The following TFEC variants were observed in gnomAD, a reference collection of about 807,000 sequenced individuals.
TFEC encodes transcription factor EC.
TFEC carries 31 observed loss-of-function variants against 41.6 expected under a neutral mutation model. The observed-to-expected ratio is 0.74, with a 90% CI of 0.56 to 1.01. TFEC has a LOEUF of 1.01. Ranked by LOEUF, TFEC falls within the 50% of genes least tolerant of loss-of-function variation. The pLI, the probability that TFEC is intolerant of heterozygous loss-of-function variation, is 0.00. For synonymous variants in TFEC, 143 were observed against 140.6 expected (o/e 1.02, Z -0.12); for missense variants, 402 against 404.1 (o/e 0.99, Z 0.04).
At chr7:116,010,213 G>T (rs1794948296) in intron 1 of TFEC, among the ~76,000 whole-genome samples, 1 of 152,040 alleles carries the variant, frequency 6.6e-6, no homozygotes, top group African/African-American at 2.4e-5. Flanking sequence ...GCTATATAAA[G>T]GTGTCTTATT....
intron 1 of TFEC, among the ~76,000 whole-genome samples, chr7:115,991,352 C>T (rs566874625): frequency 6.6e-6 from 1 of 152,242 alleles, no homozygotes; most frequent in South Asian, 2.1e-4. Context: ...ATCATAATGA[C>T]AGGATCAAAT....
chr7:116,055,638 A>T (rs1796411962), intron 3 of TFEC, among the ~76,000 whole-genome samples: 1 of 152,024 alleles, frequency 6.6e-6, no homozygotes, highest in Non-Finnish European at 1.5e-5. Flanking sequence ...ACTTTTAAAG[A>T]TATCTCACAT....
At chr7:115,963,046 C>G (rs1395528299) in intron 3 of TFEC, among the ~76,000 whole-genome samples, 1 of 151,658 alleles carries the variant, frequency 6.6e-6, no homozygotes, top group African/African-American at 2.4e-5. Context: ...ATTCCCCACC[C>G]TGTGTCCATG....
At chr7:116,047,413 A>C (rs1157036124) in intron 3 of TFEC, among the ~76,000 whole-genome samples, 1 of 152,154 alleles carries the variant, frequency 6.6e-6, no homozygotes, top group Admixed American at 6.5e-5. Context: ...CTAGCACAGC[A>C]GTCTGAGATT....
intron 4 of TFEC, among the ~76,000 whole-genome samples, chr7:115,955,237 ATTTGTAGTATTC>A (rs920521834): frequency 6.6e-6 from 1 of 151,994 alleles, no homozygotes; most frequent in Non-Finnish European, 1.5e-5. Flanking sequence ...ATGATTCTTA[ATTTGTAGTATTC>A]ACACCTTGTA....
At chr7:115,984,172 T>C in intron 2 of TFEC, 90 bp downstream of exon 2, 4 of 1,474,498 alleles carry the variant, frequency 2.7e-6, no homozygotes, top group Non-Finnish European at 3.7e-6. Context: ...GCAATCAGAA[T>C]GTTTACTGTA....
intron 1 of TFEC, among the ~76,000 whole-genome samples, chr7:116,137,562 C>A (rs1294141499): frequency 6.6e-6 from 1 of 152,074 alleles, no homozygotes; most frequent in Non-Finnish European, 1.5e-5. Context: ...GGATTCCATT[C>A]TACAAGTTAT....
intron 3 of TFEC, among the ~76,000 whole-genome samples, chr7:116,105,420 G>T (rs938312860): frequency 6.6e-6 from 1 of 152,268 alleles, no homozygotes; most frequent in East Asian, 1.9e-4. Flanking sequence ...CTCTACCTAG[G>T]TGCCTCTTCA....
intron 1 of TFEC, among the ~76,000 whole-genome samples, chr7:115,990,077 T>C (rs1489297449): frequency 6.6e-6 from 1 of 152,222 alleles, no homozygotes; most frequent in Non-Finnish European, 1.5e-5. Context: ...CAATATTTGC[T>C]GTTCTGCAGC....
chr7:115,966,136 T>C (rs1463698766), intron 3 of TFEC, among the ~76,000 whole-genome samples: 1 of 151,750 alleles, frequency 6.6e-6, no homozygotes, highest in Non-Finnish European at 1.5e-5. Flanking sequence ...TTAACTCATG[T>C]ATTAAGCCCA....
chr7:116,051,716 G>A (rs1796317172), intron 3 of TFEC, among the ~76,000 whole-genome samples: 1 of 152,142 alleles, frequency 6.6e-6, no homozygotes, highest in South Asian at 2.1e-4. Flanking sequence ...GGAGGAAAGA[G>A]TAGTATCAAT....
chr7:115,965,996 C>T (rs1488298467), intron 3 of TFEC, among the ~76,000 whole-genome samples: 1 of 151,364 alleles, frequency 6.6e-6, no homozygotes, highest in African/African-American at 2.4e-5. Context: ...TTATGTTCCC[C>T]GCCACTAGTA....
chr7:115,968,353 T>C, intron 3 of TFEC: 1 of 1,410,084 alleles, frequency 7.1e-7, no homozygotes, highest in Non-Finnish European at 9.2e-7. Flanking sequence ...ACTAATCTTG[T>C]CTAGATTGTG....
chr7:116,140,727 C>T lies in TFEC; in HGVS notation c.-69+19063G>A, dbSNP rs1483187007. 3.9e-5 allele frequency among the ~76,000 whole-genome samples: 6 copies of T among 152,122 alleles called. No individual in the cohort carries two copies. The East Asian group carries it at 1.2e-3, about 29-fold the overall frequency. On this transcript the variant is annotated intron_variant, in intron 1 of 8. Coordinates refer to the TFEC transcript ENST00000484212. Reference sequence around the variant, plus strand: ...AGGTTAAAACTATCTTCAATTTTTGCCTTCCCATTTAGAACCCTCATCTGA... The same window carrying T: ...AGGTTAAAACTATCTTCAATTTTTGTCTTCCCATTTAGAACCCTCATCTGA...
chr7:115,989,663 C>T (rs1794018255), intron 1 of TFEC, among the ~76,000 whole-genome samples: 1 of 152,156 alleles, frequency 6.6e-6, no homozygotes, highest in South Asian at 2.1e-4. Flanking sequence ...AAGGCGGCAG[C>T]GAGGCTTGGG....
intron 3 of TFEC, among the ~76,000 whole-genome samples, chr7:116,095,219 T>G (rs534266939): frequency 6.6e-6 from 1 of 150,910 alleles, no homozygotes; most frequent in South Asian, 2.1e-4. Context: ...TTTCAAAACT[T>G]TTTTGCCTTA....
chr7:116,142,388 A>G (rs1798559258), intron 1 of TFEC, among the ~76,000 whole-genome samples: 2 of 152,204 alleles, frequency 1.3e-5, no homozygotes, highest in Admixed American at 1.3e-4. Context: ...TAGGGAATCT[A>G]TCTTTATTTT....
At chr7:115,969,925 T>C (rs1234964026) in intron 3 of TFEC, among the ~76,000 whole-genome samples, 1 of 151,990 alleles carries the variant, frequency 6.6e-6, no homozygotes, top group African/African-American at 2.4e-5. Context: ...TTTTTGTTTG[T>C]TTCTTTCACA....
At chr7:115,950,791 G>T in intron 6 of TFEC, 83 bp downstream of exon 6, 1 of 1,062,236 alleles carries the variant, frequency 9.4e-7, no homozygotes, top group Non-Finnish European at 1.4e-6. Flanking sequence ...CTAGTCATTG[G>T]TTCTCTCCTC....
Sources: gnomAD v4.1 joint callset for allele counts (sites outside exome capture counted in the v4.1 genomes callset) on GRCh38, gnomAD v4.1.1 for gene constraint, MANE v1.5 for transcripts, NCBI Gene and HGNC (gene_info 2026-07-23, HGNC 2026-07-21) for gene names.